Variants in RABGEF1 observed in about 807,000 individuals in gnomAD.
RABGEF1 encodes RAB guanine nucleotide exchange factor 1.
A neutral mutation model predicts 57.3 loss-of-function variants in RABGEF1; 26 were observed. That is an observed-to-expected ratio of 0.45 (90% CI 0.33 to 0.63). The LOEUF (loss-of-function observed/expected upper bound fraction) is 0.63. Among genes scored for constraint, RABGEF1 ranks in the 20% least tolerant of loss-of-function variants. The pLI is 0.02. For missense variants in RABGEF1, 464 were observed against 607.6 expected, an observed-to-expected ratio of 0.76 and a Z score of 2.48; for synonymous variants, 185 against 210.7, an observed-to-expected ratio of 0.88 and a Z score of 1.06.
intron 1 of RABGEF1, among the ~76,000 whole-genome samples, chr7:66,701,694 A>C (rs909874747): frequency 6.6e-6 from 1 of 151,822 alleles, no homozygotes; most frequent in African/African-American, 2.4e-5. Context: ...TTTTTAGTAA[A>C]TACAAGGTTT....
intron 1 of RABGEF1, among the ~76,000 whole-genome samples, chr7:66,710,401 C>G (rs931018667): frequency 5.3e-5 from 8 of 152,106 alleles, no homozygotes; most frequent in Non-Finnish European, 1.0e-4. Flanking sequence ...AGTAAATAAC[C>G]CAGCAGTGGA....
At chr7:66,704,909 T>C (rs1403139399) in intron 1 of RABGEF1, among the ~76,000 whole-genome samples, 2 of 152,124 alleles carry the variant, frequency 1.3e-5, no homozygotes, top group Admixed American at 6.5e-5. Flanking sequence ...GCAGCTGGCC[T>C]ATATTTAGTT....
chr7:66,658,684 G>A, the RABGEF1 span, among the ~76,000 whole-genome samples: 1 of 152,186 alleles, frequency 6.6e-6, no homozygotes. Flanking sequence ...GGAAAAATTA[G>A]TGCCAATCCT....
intron 4 of RABGEF1, among the ~76,000 whole-genome samples, chr7:66,786,371 A>G (rs745725666): frequency 2.6e-5 from 4 of 152,322 alleles, no homozygotes; most frequent in South Asian, 2.1e-4. Flanking sequence ...ATGCTTTACT[A>G]TGCAACACAC....
At chr7:66,755,134 A>C (rs546344895) in intron 1 of RABGEF1, among the ~76,000 whole-genome samples, 2 of 152,262 alleles carry the variant, frequency 1.3e-5, no homozygotes, top group African/African-American at 4.8e-5. Flanking sequence ...CTCTACTAAA[A>C]ATACAAAAAA....
intron 1 of RABGEF1, among the ~76,000 whole-genome samples, chr7:66,747,145 T>A (rs1418410831): frequency 1.3e-5 from 2 of 152,150 alleles, no homozygotes; most frequent in East Asian, 3.9e-4. Flanking sequence ...TTGGCAATGG[T>A]CATTAAGAGG....
At chr7:66,797,327 AG>A (rs746336774) in intron 5 of RABGEF1, 46 bp from the exon 6 acceptor site, 8 of 1,424,458 alleles carry the variant, frequency 5.6e-6, no homozygotes, top group Non-Finnish European at 6.6e-6. Flanking sequence ...AAAAAGAGAG[AG>A]AAAAAATATA....
At chr7:66,765,615 T>C (rs184510271) in intron 1 of RABGEF1, among the ~76,000 whole-genome samples, 5 of 152,348 alleles carry the variant, frequency 3.3e-5, no homozygotes, top group Non-Finnish European at 5.9e-5. Context: ...TACTTTTCTC[T>C]GCTTCTTGGG....
intron 1 of RABGEF1, among the ~76,000 whole-genome samples, chr7:66,751,578 G>C (rs1801430568): frequency 6.6e-6 from 1 of 152,156 alleles, no homozygotes; most frequent in African/African-American, 2.4e-5. Flanking sequence ...AGACTGAGCT[G>C]AGGGTTGAGG....
chr7:66,769,911 G>A (rs1375332712), intron 1 of RABGEF1, among the ~76,000 whole-genome samples: 2 of 152,056 alleles, frequency 1.3e-5, no homozygotes, highest in East Asian at 3.9e-4. Context: ...TTTGTGAAAG[G>A]CATCCTTCCT....
chr7:66,716,469 C>T (rs1795407791), intron 2 of RABGEF1, among the ~76,000 whole-genome samples: 1 of 152,042 alleles, frequency 6.6e-6, no homozygotes, highest in Non-Finnish European at 1.5e-5. Context: ...GGTGTGGCGG[C>T]ATGTGCCTGT....
chr7:66,713,815 G>A (rs1409906229), intron 2 of RABGEF1, among the ~76,000 whole-genome samples: 1 of 152,136 alleles, frequency 6.6e-6, no homozygotes, highest in Non-Finnish European at 1.5e-5. Flanking sequence ...TTTAAGAAAT[G>A]GATACATTGA....
the RABGEF1 span, among the ~76,000 whole-genome samples, chr7:66,656,744 C>T: frequency 2.0e-5 from 3 of 150,304 alleles, no homozygotes; most frequent in African/African-American, 4.9e-5. Flanking sequence ...TGCTTGAACC[C>T]GAGAGACAGA....
rs888301191 is a variant in RABGEF1 at position 66,730,557 on chromosome 7, C to CTT, written c.-814-9422_-814-9421dup. Among the ~76,000 whole-genome samples, 769 of 130,834 alleles carry CTT rather than the reference C, an allele frequency of 5.9e-3. 12 individuals carry two copies. The highest frequency in any genetic ancestry group is 0.051 in the East Asian group (232 of 4,580). 85.8% of individuals were successfully genotyped at this position (130,834 alleles called of 152,430 possible). On this transcript the variant is annotated intron_variant and NMD_transcript_variant, in intron 2 of 9. Transcript: ENST00000607882. ...CACATATAGCACTTGGTTTCTTTTT[C>CTT]TTTTTTTTTTTTTTTTTTGGTGGCA...
At chr7:66,725,735 A>G (rs887862906) in intron 2 of RABGEF1, among the ~76,000 whole-genome samples, 4 of 152,226 alleles carry the variant, frequency 2.6e-5, no homozygotes, top group Admixed American at 1.3e-4. Flanking sequence ...CAGAGAGGAC[A>G]TGGCCTTACC....
At chr7:66,696,186 C>T (rs1259315179) in intron 1 of RABGEF1, among the ~76,000 whole-genome samples, 4 of 152,058 alleles carry the variant, frequency 2.6e-5, no homozygotes, top group Admixed American at 1.3e-4. Context: ...TCGCTTCTGG[C>T]CCCCAAGTAG....
rs898845676 is a variant in RABGEF1 at position 66,797,129 on chromosome 7, A to G, written c.596-245A>G. ...AGCCTGGGCAACATGGTAAAACCCC[A>G]TCTCCACAGAAAAAACCTACAAAAA... On this transcript the variant is annotated intron_variant, in intron 5 of 8. Transcript: ENST00000284957. 2.4e-4 allele frequency among the ~76,000 whole-genome samples: 36 copies of G among 151,292 alleles called. 1 individual carries two copies. The highest frequency in any genetic ancestry group is 8.3e-4 in the African/African-American group (34 of 41,200).
chr7:66,777,703 G>A (rs1808879382), intron 3 of RABGEF1, among the ~76,000 whole-genome samples: 1 of 152,086 alleles, frequency 6.6e-6, no homozygotes, highest in Non-Finnish European at 1.5e-5. Flanking sequence ...TAAGGTAGGA[G>A]GATTACATGA....
rs574710017 is a variant in RABGEF1, at chr7:66,694,648, G to A, written c.-873+12390G>A. The stretch of plus-strand genomic sequence containing the variant: ...AGTGACGTGGATGTCACGATACCCC[G>A]GCCAAATAGTGTGAGTTTAGGGTGA... On this transcript the variant is annotated intron_variant and NMD_transcript_variant, in intron 1 of 9. Coordinates refer to the RABGEF1 transcript ENST00000607882. Among the ~76,000 whole-genome samples the A allele has an allele frequency of 1.4e-4, 22 of 152,342 alleles. No individual in the cohort carries two copies. In the South Asian group the frequency reaches 3.9e-3, roughly 27 times the overall value.
Sources: allele counts gnomAD v4.1 joint callset (sites outside exome capture counted in the v4.1 genomes callset), GRCh38; gene constraint gnomAD v4.1.1; transcripts MANE v1.5; gene names NCBI Gene and HGNC (gene_info 2026-07-23, HGNC 2026-07-21).